ZNF131: variants seen among roughly 807,000 people sequenced by gnomAD.
ZNF131 encodes zinc finger and BTB domain containing 35.
ZNF131 carries 7 observed loss-of-function variants against 60.0 expected under a neutral mutation model. That is an observed-to-expected ratio of 0.12 (90% CI 0.07 to 0.22). ZNF131 has a LOEUF of 0.22. Ranked by LOEUF, ZNF131 falls within the 10% of genes least tolerant of loss-of-function variation. The pLI is 1.00. For missense variants in ZNF131, 493 were observed against 740.9 expected (o/e 0.67, Z 3.88); for synonymous variants, 257 against 253.2 (o/e 1.01, Z -0.14).
At chr5:43,136,249 T>C (rs921965840) in intron 3 of ZNF131, among the ~76,000 whole-genome samples, 4 of 152,188 alleles carry the variant, frequency 2.6e-5, no homozygotes, top group African/African-American at 9.7e-5. Flanking sequence ...AATGCAAATA[T>C]TTCAAAATCC....
intron 4 of ZNF131, among the ~76,000 whole-genome samples, chr5:43,140,620 C>T (rs1232730416): frequency 6.6e-6 from 1 of 152,244 alleles, no homozygotes; most frequent in Non-Finnish European, 1.5e-5. Flanking sequence ...TTGGTAAAAT[C>T]AGTTTCACAT....
intron 3 of ZNF131, among the ~76,000 whole-genome samples, chr5:43,127,608 C>T (rs564601384): frequency 4.7e-4 from 72 of 152,350 alleles, no homozygotes; most frequent in Non-Finnish European, 8.4e-4. Context: ...TTGTAATATT[C>T]TCTGAGTATA....
At chr5:43,122,996 G>T (rs1744068005) in intron 2 of ZNF131, among the ~76,000 whole-genome samples, 2 of 152,186 alleles carry the variant, frequency 1.3e-5, no homozygotes, top group Admixed American at 1.3e-4. Context: ...AACTAAAGGG[G>T]TTTGAAGTGA....
intron 5 of ZNF131, among the ~76,000 whole-genome samples, chr5:43,170,255 C>A (rs1469990213): frequency 6.6e-6 from 1 of 152,156 alleles, no homozygotes; most frequent in Non-Finnish European, 1.5e-5. Flanking sequence ...GGTCTTTTCT[C>A]TCAAATTAAC....
intron 5 of ZNF131, among the ~76,000 whole-genome samples, chr5:43,170,431 A>C (rs916315640): frequency 6.6e-5 from 10 of 152,024 alleles, no homozygotes; most frequent in Admixed American, 3.3e-4. Context: ...TCAGTTATTT[A>C]CTCCTACCTG....
In ZNF131 at chr5:43,163,212, T is replaced by TCA. The variant is rs1305145873; in HGVS notation, c.1054+1282_1054+1283insAC. Among the ~76,000 whole-genome samples the TCA allele has an allele frequency of 3.3e-5, 5 of 152,076 alleles. No homozygotes were observed. In the East Asian group the frequency reaches 9.8e-4, roughly 30 times the overall value. The stretch of plus-strand genomic sequence containing the variant: ...CCAGGGTGGTCTCAAACTCCTGACC[T>TCA]CGTGATCCGCTAGCCTCGGCCTCCC... On this transcript the variant is annotated intron_variant, in intron 5 of 6. Coordinates refer to ENST00000682664, the MANE Select transcript of ZNF131 (RefSeq NM_001330707.2).
Position 43,175,170 on chromosome 5 carries a change from G to T in ZNF131, c.*37G>T, listed in dbSNP as rs776784979. ...AATATATTTTTAAATTTACTTGTTGGGTTTTTGAACTGATTATGGGCAGTT... is the reference window on the plus strand; with the variant it reads ...AATATATTTTTAAATTTACTTGTTGTGTTTTTGAACTGATTATGGGCAGTT... On this transcript the variant is annotated 3_prime_UTR_variant, in exon 7 of 7. Coordinates refer to ENST00000682664, the MANE Select transcript of ZNF131 (RefSeq NM_001330707.2). The T allele has an allele frequency of 1.0e-4, 156 of 1,542,608 alleles. No homozygotes were observed. The highest frequency in any genetic ancestry group is 1.2e-4 in the Non-Finnish European group (135 of 1,146,946).
chr5:43,142,605 A>G (rs1430636285), intron 4 of ZNF131, among the ~76,000 whole-genome samples: 2 of 151,892 alleles, frequency 1.3e-5, no homozygotes, highest in African/African-American at 2.4e-5. Context: ...CACCCGGCCA[A>G]AAATTGGATA....
rs139431384 is a variant in ZNF131, at chr5:43,133,138, C to T, written c.227-6027C>T. Among the ~76,000 whole-genome samples, 16 of 152,044 alleles carry T rather than the reference C, an allele frequency of 1.1e-4. No homozygotes were observed. The East Asian group carries it at 1.9e-3, about 18-fold the overall frequency. ...TAGGACTAAATTTTAAACACAAAACCGTCAAAAGTATCAATGATAAATGCA... is the reference window on the plus strand; with the variant it reads ...TAGGACTAAATTTTAAACACAAAACTGTCAAAAGTATCAATGATAAATGCA... On this transcript the variant is annotated intron_variant, in intron 3 of 6. Transcript: ENST00000682664.
chr5:43,137,460 C>T (rs1475791435), intron 3 of ZNF131, among the ~76,000 whole-genome samples: 2 of 151,462 alleles, frequency 1.3e-5, no homozygotes, highest in Non-Finnish European at 2.9e-5. Flanking sequence ...GACATTTCTC[C>T]AAACAGATGG....
At chr5:43,158,682 G>A (rs778009140) in intron 4 of ZNF131, among the ~76,000 whole-genome samples, 6 of 152,188 alleles carry the variant, frequency 3.9e-5, no homozygotes, top group Non-Finnish European at 8.8e-5. Flanking sequence ...CATACCTTTT[G>A]TGGGAACACA....
chr5:43,161,266 C>G lies in ZNF131; in HGVS notation c.389C>G (p.Ala130Gly). 6.3e-7 allele frequency: 1 copy of G among 1,599,908 alleles called. No homozygotes were observed. The highest frequency in any genetic ancestry group is 1.1e-5 in the South Asian group (1 of 87,716). Residue 130 changes from alanine (A) to glycine (G), a missense_variant, in exon 5 of 7, where the codon GCT becomes GGT. Around this residue, in one of 7 missense-constraint regions of ZNF131, gnomAD observed 138 missense variants for 158.7 expected, o/e 0.87. Coordinates refer to ENST00000682664, the MANE Select transcript of ZNF131 (RefSeq NM_001330707.2). ...ALEVRNKENS[A>G]PLEENTTGKN... is the part of the protein sequence containing the mutation. ...TATTTCAGGAACAAAGAAAACTCAG[C>G]TCCCTTAGAGGAAAATACCACAGGA...
chr5:43,148,213 A>AC (rs1747869039), intron 4 of ZNF131, among the ~76,000 whole-genome samples: 1 of 152,022 alleles, frequency 6.6e-6, no homozygotes, highest in African/African-American at 2.4e-5. Flanking sequence ...CTCTACAAAA[A>AC]AAAAAAAAAA....
At chr5:43,145,554 G>A (rs1262234599) in intron 4 of ZNF131, among the ~76,000 whole-genome samples, 7 of 152,076 alleles carry the variant, frequency 4.6e-5, no homozygotes, top group Non-Finnish European at 1.0e-4. Context: ...TCACAAGGCT[G>A]AGGCAGGAGA....
rs935655531 is a variant in ZNF131 at position 43,144,237 on chromosome 5, CTTTTTTTTTTTTTTT to C, written c.371+4944_371+4958del. Reference sequence around the variant, plus strand: ...GCGCCTGGCCTTTTTTTCTTTCTTTCTTTTTTTTTTTTTTTTTTTTTTTTTTTTTTGGAGACAGAG... The same window carrying C: ...GCGCCTGGCCTTTTTTTCTTTCTTTCTTTTTTTTTTTTTTTGGAGACAGAG... On this transcript the variant is annotated intron_variant, in intron 4 of 6. Transcript: ENST00000682664. Among the ~76,000 whole-genome samples, 80 of 65,322 alleles carry C rather than the reference CTTTTTTTTTTTTTTT, an allele frequency of 1.2e-3. 1 individual carries two copies. The South Asian group carries it at 0.017, about 14-fold the overall frequency. The allele number at this position is 65,322 out of a possible 152,430, so 42.9% of individuals were successfully genotyped here.
At chr5:43,147,391 A>G (rs1747733304) in intron 4 of ZNF131, among the ~76,000 whole-genome samples, 1 of 151,392 alleles carries the variant, frequency 6.6e-6, no homozygotes, top group African/African-American at 2.4e-5. Flanking sequence ...AAGTTTTTTA[A>G]ATCTTTTTTT....
At chr5:43,144,179 C>T (rs1287471546) in intron 4 of ZNF131, among the ~76,000 whole-genome samples, 2 of 149,608 alleles carry the variant, frequency 1.3e-5, no homozygotes, top group African/African-American at 2.5e-5. Flanking sequence ...GTCTCGGCCT[C>T]CCAAAGTGCT....
At chr5:43,168,483 C>T (rs892819057) in intron 5 of ZNF131, among the ~76,000 whole-genome samples, 3 of 152,106 alleles carry the variant, frequency 2.0e-5, no homozygotes, top group Non-Finnish European at 4.4e-5. Context: ...AAGGGCTAAC[C>T]ATGTGGCATG....
chr5:43,144,664 G>GT (rs1017365666), intron 4 of ZNF131, among the ~76,000 whole-genome samples: 1 of 152,056 alleles, frequency 6.6e-6, no homozygotes, highest in African/African-American at 2.4e-5. Context: ...GCCATTGATT[G>GT]TTTTTTGACA....
Sources: allele counts gnomAD v4.1 joint callset (sites outside exome capture counted in the v4.1 genomes callset), GRCh38; gene constraint gnomAD v4.1.1; regional missense constraint gnomAD v4.1.1; transcripts MANE v1.5; gene names NCBI Gene and HGNC (gene_info 2026-07-23, HGNC 2026-07-21).